The following CEP120 variants were observed in gnomAD, a reference collection of about 807,000 sequenced individuals.
CEP120 encodes the protein centrosomal protein 120.
CEP120 carries 113 observed loss-of-function variants against 126.5 expected under a neutral mutation model. The ratio of observed to expected loss-of-function variants is 0.89; its 90% CI spans 0.77 to 1.04. CEP120 has a LOEUF of 1.04. Ranked by LOEUF, CEP120 falls within the 50% of genes least tolerant of loss-of-function variation. The pLI is 0.00. For synonymous variants in CEP120, 400 were observed against 394.3 expected (o/e 1.01, Z -0.17); for missense variants, 1,230 against 1,155.7 (o/e 1.06, Z -0.93).
At position 123,418,480 on chromosome 5, in the gene CEP120, C is replaced by T. The variant is rs1284585525; in HGVS notation, c.85G>A (p.Val29Ile). ...TCTCCATCAAACTTTGCTTCCACTA[C>T]AAGCATATGCTTTGGACGTTTGGGG... ...HFPKRPKHML[V>I]VEAKFDGEQL... Residue 29 changes from valine (V) to isoleucine (I), a missense_variant, in exon 2 of 20, where the codon GTA becomes ATA. Coordinates refer to ENST00000306467, the MANE Select transcript of CEP120 (RefSeq NM_001375405.1). 5 of 1,611,030 alleles carry T rather than the reference C, an allele frequency of 3.1e-6. No individual in the cohort carries two copies. The highest frequency in any genetic ancestry group is 4.2e-6 in the Non-Finnish European group (5 of 1,177,912).
At chr5:123,364,242 A>T (rs1485200967) in intron 18 of CEP120, among the ~76,000 whole-genome samples, 1 of 151,610 alleles carries the variant, frequency 6.6e-6, no homozygotes, top group Non-Finnish European at 1.5e-5. Context: ...AGTGAAAGTA[A>T]AATAAATTAT....
At chr5:123,381,641 C>T (rs937261351) in intron 14 of CEP120, among the ~76,000 whole-genome samples, 7 of 151,960 alleles carry the variant, frequency 4.6e-5, no homozygotes, top group African/African-American at 1.7e-4. Context: ...ACGTTTGAGG[C>T]ATTCTATTAA....
In CEP120 at chr5:123,423,107, C is replaced by T. The variant is rs1774831077; in HGVS notation, c.-109G>A. 2.2e-6 allele frequency: 2 copies of T among 894,684 alleles called. No homozygotes were observed. The highest frequency in any genetic ancestry group is 3.6e-6 in the Non-Finnish European group (2 of 549,182). The allele number at this position is 894,684 out of a possible 1,614,324, so 55.4% of individuals were successfully genotyped here. A position where few individuals can be genotyped will look rare whatever the true frequency, so the allele number is the denominator to read the frequency against. On this transcript the variant is annotated 5_prime_UTR_variant, in exon 1 of 20. Coordinates refer to ENST00000306467, the MANE Select transcript of CEP120 (RefSeq NM_001375405.1). Reference sequence around the variant, plus strand: ...GGGACCCCCACTGCCCGCCCCCGGTCCCTGATGCCCGGACCCCGCTCCGCA... The same window carrying T: ...GGGACCCCCACTGCCCGCCCCCGGTTCCTGATGCCCGGACCCCGCTCCGCA...
intron 10 of CEP120, 105 bp downstream of exon 10, chr5:123,386,413 A>G: frequency 1.3e-6 from 1 of 796,394 alleles, no homozygotes; most frequent in Non-Finnish European, 1.7e-6. Flanking sequence ...TCAAATGCAT[A>G]AACTGCTATG....
Position 123,418,565 on chromosome 5 carries a change from A to G in CEP120, c.50-50T>C, listed in dbSNP as rs745871862. On this transcript the variant is annotated intron_variant, in intron 1 of 19. Transcript: ENST00000306467. ...AATCAAAAGTGTACAAAAATCAAAC[A>G]GGATCATTTACCATGTGTTTTTTTG... The G allele has an allele frequency of 7.7e-6, 11 of 1,437,890 alleles. No individual in the cohort carries two copies. The Middle Eastern group carries it at 5.5e-4, about 72-fold the overall frequency. 89.1% of individuals were successfully genotyped at this position (1,437,890 alleles called of 1,614,324 possible).
intron 18 of CEP120, among the ~76,000 whole-genome samples, chr5:123,357,883 A>G (rs1428383): frequency 0.72 from 108,734 of 152,034 alleles, 39,020 homozygotes; most frequent in African/African-American, 0.75. Context: ...ATAGCCAATT[A>G]TTGGCAAAAA....
At position 123,393,451 on chromosome 5, in the gene CEP120, A is replaced by G; in HGVS notation, c.659T>C (p.Phe220Ser). 6.2e-7 allele frequency: 1 copy of G among 1,614,174 alleles called. No homozygotes were observed. Among genetic ancestry groups the G allele is most frequent in the Non-Finnish European group, 8.5e-7 (1 of 1,180,004 alleles). The change falls in exon 6 of 20, where the codon TTC becomes TCC. Residue 220 changes from phenylalanine to serine, a missense_variant. Transcript: ENST00000306467. ...MKLPERQPEFFFYYSLLGNDV... is the reference protein window; with the variant it reads ...MKLPERQPEFSFYYSLLGNDV... ...ATTTCCCAGTAAAGAGTAGTAAAAG[A>G]AAAACTCAGGCTGTCTTTCTGGAAG... is the stretch of plus-strand genomic sequence containing the variant.
At chr5:123,385,729 G>A (rs550603789) in intron 10 of CEP120, among the ~76,000 whole-genome samples, 23 of 150,916 alleles carry the variant, frequency 1.5e-4, no homozygotes, top group African/African-American at 4.4e-4. Context: ...TGATCCTCCC[G>A]TTTTAGCCCC....
At chr5:123,409,597 T>A (rs4836008) in intron 4 of CEP120, among the ~76,000 whole-genome samples, 1 of 152,006 alleles carries the variant, frequency 6.6e-6, no homozygotes, top group Non-Finnish European at 1.5e-5. Flanking sequence ...AGAAATATAA[T>A]TGTCTTTGTT....
intron 18 of CEP120, among the ~76,000 whole-genome samples, chr5:123,351,055 AAAGT>A (rs1285223291): frequency 1.3e-5 from 2 of 152,118 alleles, no homozygotes; most frequent in African/African-American, 4.8e-5. Context: ...CTATTTTTTT[AAAGT>A]ATTTATTGAA....
chr5:123,372,850 CT>C (rs894077424), intron 16 of CEP120, 78 bp from the exon 17 acceptor site: 1,124 of 1,183,320 alleles, frequency 9.5e-4, no homozygotes, highest in Middle Eastern at 1.6e-3. Flanking sequence ...TCAACAAGGT[CT>C]TTTTTTTTAT....
intron 1 of CEP120, among the ~76,000 whole-genome samples, chr5:123,419,931 T>C (rs982557995): frequency 1.3e-5 from 2 of 152,170 alleles, no homozygotes; most frequent in African/African-American, 2.4e-5. Flanking sequence ...TCTGTTAAGG[T>C]GGATCTTATT....
chr5:123,413,161 A>G (rs890903100), intron 3 of CEP120, among the ~76,000 whole-genome samples: 6 of 151,986 alleles, frequency 3.9e-5, no homozygotes, highest in Non-Finnish European at 7.4e-5. Context: ...AATCCCAGCT[A>G]CCTGGGAGGC....
At chr5:123,360,233 T>C (rs949907572) in intron 18 of CEP120, among the ~76,000 whole-genome samples, 5 of 152,002 alleles carry the variant, frequency 3.3e-5, no homozygotes, top group Admixed American at 2.6e-4. Context: ...AATTGAGTAA[T>C]TTTCACACAC....
Position 123,382,189 on chromosome 5 carries a change from T to C in CEP120, c.2025A>G (p.Lys675=), listed in dbSNP as rs1281836257. 1.9e-6 allele frequency: 3 copies of C among 1,603,374 alleles called. No homozygotes were observed. The Admixed American group carries it at 5.1e-5, about 27-fold the overall frequency. ...CAAGAGCCTGCATATGAGCCAGTTC[T>C]TTCTGCTTCAGCTACAAAAGGAAGA... ...EDIFENQLKQ[K]ELAHMQALAE... Residue 675 remains lysine, a synonymous_variant, in exon 14 of 20, where the codon AAA becomes AAG. Transcript: ENST00000306467.
chr5:123,376,922 G>A (rs1467132651), intron 16 of CEP120, among the ~76,000 whole-genome samples: 13 of 152,106 alleles, frequency 8.5e-5, no homozygotes, highest in Admixed American at 8.5e-4. Context: ...GGCCAGAAAG[G>A]TAGAGAAAAA....
intron 16 of CEP120, among the ~76,000 whole-genome samples, chr5:123,375,819 T>C (rs1162047116): frequency 6.6e-6 from 1 of 152,134 alleles, no homozygotes; most frequent in Non-Finnish European, 1.5e-5. Flanking sequence ...AAGACTACCC[T>C]ACTTGGTAAC....
At chr5:123,383,925 A>AATT (rs1771843892) in intron 11 of CEP120, among the ~76,000 whole-genome samples, 1 of 152,152 alleles carries the variant, frequency 6.6e-6, no homozygotes, top group Non-Finnish European at 1.5e-5. Context: ...TAGAACTCTT[A>AATT]ATTAACCAAC....
rs1179650270 is a variant in CEP120, at chr5:123,378,229, G to C, written c.2196+107C>G. 4 of 736,300 alleles carry C rather than the reference G, an allele frequency of 5.4e-6. No homozygotes were observed. The East Asian group carries it at 8.5e-5, about 16-fold the overall frequency. 45.6% of individuals were successfully genotyped at this position (736,300 alleles called of 1,614,324 possible). On this transcript the variant is annotated intron_variant, in intron 15 of 19. Transcript: ENST00000306467. Reference sequence around the variant, plus strand: ...CATTCTTATAAGCAGCCCATCCTGAGTCCCTTCTCTCTCGGGACTCTTTTG... The same window carrying C: ...CATTCTTATAAGCAGCCCATCCTGACTCCCTTCTCTCTCGGGACTCTTTTG...
Sources: allele counts gnomAD v4.1 joint callset (sites outside exome capture counted in the v4.1 genomes callset), GRCh38; gene constraint gnomAD v4.1.1; transcripts MANE v1.5; gene names NCBI Gene and HGNC (gene_info 2026-07-23, HGNC 2026-07-21).